DLG2: variants seen among roughly 807,000 people sequenced by gnomAD.
DLG2 encodes discs large MAGUK scaffold protein 2, also known as disks large homolog 2.
A neutral mutation model predicts 132.5 loss-of-function variants in DLG2; 45 were observed. The ratio of observed to expected loss-of-function variants is 0.34; its 90% CI spans 0.27 to 0.44. The LOEUF (loss-of-function observed/expected upper bound fraction) is 0.44. Among genes scored for constraint, DLG2 ranks in the 20% least tolerant of loss-of-function variants. The probability of loss-of-function intolerance (pLI) is 1.00; values close to 1 mark genes in which losing one functional copy is unlikely to be tolerated. For synonymous variants in DLG2, 424 were observed against 419.6 expected (o/e 1.01, Z -0.13); for missense variants, 1,045 against 1,196.9 (o/e 0.87, Z 1.87).
At chr11:84,150,133 T>G (rs554870203) in intron 9 of DLG2, among the ~76,000 whole-genome samples, 1 of 152,348 alleles carries the variant, frequency 6.6e-6, no homozygotes, top group South Asian at 2.1e-4. Context: ...GTATTGAATT[T>G]GTAAACCACT....
At chr11:85,596,007 CTT>C (rs532521837) in intron 3 of DLG2, among the ~76,000 whole-genome samples, 1 of 152,098 alleles carries the variant, frequency 6.6e-6, no homozygotes, top group Non-Finnish European at 1.5e-5. Flanking sequence ...AATCCAAATA[CTT>C]TGGGAGGTTG....
intron 6 of DLG2, among the ~76,000 whole-genome samples, chr11:84,650,809 G>T (rs2154546485): frequency 6.9e-6 from 1 of 145,810 alleles, no homozygotes; most frequent in South Asian, 2.2e-4. Context: ...TGCTGTAATG[G>T]ATTTTACCAT....
intron 11 of DLG2, among the ~76,000 whole-genome samples, chr11:84,032,521 G>A (rs1338147709): frequency 1.3e-5 from 2 of 152,184 alleles, no homozygotes; most frequent in Admixed American, 1.3e-4. Context: ...AGGTTAATTT[G>A]TGAAGTTTAG....
chr11:85,608,666 G>A (rs2080765736), intron 2 of DLG2, among the ~76,000 whole-genome samples: 1 of 151,970 alleles, frequency 6.6e-6, no homozygotes, highest in Non-Finnish European at 1.5e-5. Flanking sequence ...AACCCCCCAG[G>A]CTGTCAGTTT....
chr11:84,711,330 A>AG (rs2060394622), intron 6 of DLG2, among the ~76,000 whole-genome samples: 2 of 48,478 alleles, frequency 4.1e-5, no homozygotes, highest in Non-Finnish European at 9.1e-5. Flanking sequence ...CAGAACCAGT[A>AG]AGAGAGAGAG....
At chr11:83,634,175 G>A (rs898907504) in intron 18 of DLG2, among the ~76,000 whole-genome samples, 2 of 152,050 alleles carry the variant, frequency 1.3e-5, no homozygotes, top group South Asian at 4.1e-4. Flanking sequence ...TTGTCCTATA[G>A]CTTTGCCCAC....
intron 8 of DLG2, among the ~76,000 whole-genome samples, chr11:84,197,510 C>T (rs2096537797): frequency 6.6e-6 from 1 of 152,036 alleles, no homozygotes; most frequent in Non-Finnish European, 1.5e-5. Flanking sequence ...CCCATGCCAC[C>T]CAGGGAAACA....
At chr11:83,496,449 A>G (rs1331907347) in intron 21 of DLG2, among the ~76,000 whole-genome samples, 1 of 152,136 alleles carries the variant, frequency 6.6e-6, no homozygotes, top group East Asian at 1.9e-4. Flanking sequence ...TGACTTAGAA[A>G]TTCACTCCTA....
At chr11:84,392,652 A>C (rs1305035630) in intron 7 of DLG2, among the ~76,000 whole-genome samples, 1 of 152,222 alleles carries the variant, frequency 6.6e-6, no homozygotes, top group East Asian at 1.9e-4. Context: ...TAATTCTTGC[A>C]ACAACTCCAT....
At chr11:85,135,241 A>T (rs2076067536) in intron 5 of DLG2, among the ~76,000 whole-genome samples, 1 of 152,224 alleles carries the variant, frequency 6.6e-6, no homozygotes, top group Non-Finnish European at 1.5e-5. Context: ...AACTTGTAAC[A>T]GTCTCACAGG....
At chr11:83,986,849 A>G (rs1364536387) in intron 11 of DLG2, among the ~76,000 whole-genome samples, 5 of 152,078 alleles carry the variant, frequency 3.3e-5, no homozygotes, top group Non-Finnish European at 5.9e-5. Flanking sequence ...TGGGCTGCAT[A>G]AATGTCTTCT....
At chr11:84,347,806 G>A (rs2098545822) in intron 7 of DLG2, among the ~76,000 whole-genome samples, 1 of 152,158 alleles carries the variant, frequency 6.6e-6, no homozygotes, top group African/African-American at 2.4e-5. Context: ...TAATATGTGA[G>A]AAAAATAATG....
At chr11:85,181,431 G>A (rs1325239002) in intron 4 of DLG2, among the ~76,000 whole-genome samples, 1 of 151,456 alleles carries the variant, frequency 6.6e-6, no homozygotes, top group Non-Finnish European at 1.5e-5. Context: ...TTTTTTTTAA[G>A]AATTTTCCCT....
At chr11:83,546,652 G>A (rs892058342) in intron 19 of DLG2, among the ~76,000 whole-genome samples, 7 of 151,850 alleles carry the variant, frequency 4.6e-5, no homozygotes, top group African/African-American at 1.5e-4. Flanking sequence ...CAGGATTAAA[G>A]TATAGGTAGA....
At chr11:85,546,575 A>G (rs1351857774) in intron 3 of DLG2, among the ~76,000 whole-genome samples, 5 of 152,228 alleles carry the variant, frequency 3.3e-5, no homozygotes, top group African/African-American at 7.2e-5. Context: ...TGATCTGTCT[A>G]ATATTGACAG....
chr11:84,380,382 T>C lies in DLG2; in HGVS notation c.520-129091A>G, dbSNP rs2098745145. On this transcript the variant is annotated intron_variant, in intron 7 of 27. Coordinates refer to ENST00000376104, the MANE Select transcript of DLG2 (RefSeq NM_001142699.3). Reference sequence around the variant, plus strand: ...AGGCCATAGTTCAAGCCTCAACAAATGTCAAAGAGTCTATGCCATAGAAAC... The same window carrying C: ...AGGCCATAGTTCAAGCCTCAACAAACGTCAAAGAGTCTATGCCATAGAAAC... 2.6e-5 allele frequency among the ~76,000 whole-genome samples: 4 copies of C among 152,030 alleles called. No homozygotes were observed. In the South Asian group the frequency reaches 8.3e-4, roughly 32 times the overall value.
intron 6 of DLG2, among the ~76,000 whole-genome samples, chr11:84,593,345 G>A (rs1388261965): frequency 2.6e-5 from 4 of 152,078 alleles, no homozygotes; most frequent in African/African-American, 4.8e-5. Flanking sequence ...ACAGGCACAC[G>A]TATGTATATT....
chr11:85,161,731 G>A (rs2078044335), intron 4 of DLG2, among the ~76,000 whole-genome samples: 1 of 152,166 alleles, frequency 6.6e-6, no homozygotes, highest in Non-Finnish European at 1.5e-5. Context: ...CCATCATCCT[G>A]AAACAGCTGG....
rs1294091223 is a variant in DLG2, at chr11:85,274,098, C to T, written c.186+11122G>A. ...GGGTGGGGAACATCACACACTGCGG[C>T]TGTCGTGGGGTGGGTGGAGAGGGGA... On this transcript the variant is annotated intron_variant, in intron 4 of 27. Coordinates refer to ENST00000376104, the MANE Select transcript of DLG2 (RefSeq NM_001142699.3). 3.0e-5 allele frequency among the ~76,000 whole-genome samples: 4 copies of T among 133,380 alleles called. No homozygotes were observed. In the East Asian group the frequency reaches 8.7e-4, roughly 29 times the overall value. The allele number at this position is 133,380 out of a possible 152,430, so 87.5% of individuals were successfully genotyped here.
Sources: allele counts gnomAD v4.1 joint callset (sites outside exome capture counted in the v4.1 genomes callset), GRCh38; gene constraint gnomAD v4.1.1; transcripts MANE v1.5; gene names NCBI Gene and HGNC (gene_info 2026-07-23, HGNC 2026-07-21).